The following RNF150 variants were observed in gnomAD, a reference collection of about 807,000 sequenced individuals.
RNF150 encodes the protein ring finger protein 150.
RNF150 carries 24 observed loss-of-function variants against 39.3 expected under a neutral mutation model. That is an observed-to-expected ratio of 0.61 (90% confidence interval 0.44 to 0.86). The LOEUF is 0.86. Among genes scored for constraint, RNF150 ranks in the 40% least tolerant of loss-of-function variants. The probability of loss-of-function intolerance (pLI) is 0.00; values close to 1 mark genes in which losing one functional copy is unlikely to be tolerated. For missense variants in RNF150, 502 were observed against 587.8 expected (o/e 0.85, Z 1.51); for synonymous variants, 255 against 227.3 (o/e 1.12, Z -1.10).
chr4:141,146,978 A>G (rs1727215576), intron 1 of RNF150, among the ~76,000 whole-genome samples: 1 of 152,122 alleles, frequency 6.6e-6, no homozygotes, highest in Admixed American at 6.5e-5. Context: ...GTTTTTGTTT[A>G]TGAGACAGTG....
Position 141,147,046 on chromosome 4 carries a change from C to A in RNF150, c.-6+65748G>T, listed in dbSNP as rs182999032. Among the ~76,000 whole-genome samples the A allele has an allele frequency of 2.8e-3, 424 of 152,254 alleles. 2 individuals are homozygous for A. The highest frequency in any genetic ancestry group is 9.8e-3 in the African/African-American group (408 of 41,554). ...ATGCGATTATGGCCACTGCAACCTC[C>A]CGTGCTCAATCGCTCCTCCCACCTC... On this transcript the variant is annotated intron_variant, in intron 1 of 7. Coordinates refer to the RNF150 transcript ENST00000420921.
chr4:140,960,464 A>T (rs72722382), intron 2 of RNF150, among the ~76,000 whole-genome samples: 54,672 of 152,030 alleles, frequency 0.36, 11,214 homozygotes, highest in Non-Finnish European at 0.46. Context: ...AGTTTATGTT[A>T]ATGAGGTAAC....
intron 1 of RNF150, among the ~76,000 whole-genome samples, chr4:141,050,224 T>G (rs1187673454): frequency 2.6e-5 from 4 of 152,044 alleles, no homozygotes; most frequent in African/African-American, 9.7e-5. Flanking sequence ...TGTGAGATTT[T>G]TATTATTTTT....
At chr4:141,190,293 A>G (rs139530555) in intron 1 of RNF150, among the ~76,000 whole-genome samples, 79 of 152,180 alleles carry the variant, frequency 5.2e-4, no homozygotes, top group African/African-American at 1.8e-3. Flanking sequence ...AGATCCCCCA[A>G]TCAGTCGATT....
At chr4:140,911,566 T>C (rs1730607706) in intron 5 of RNF150, among the ~76,000 whole-genome samples, 1 of 152,220 alleles carries the variant, frequency 6.6e-6, no homozygotes, top group Admixed American at 6.5e-5. Context: ...TCATTTTAGA[T>C]TGAAAAGATT....
intron 1 of RNF150, among the ~76,000 whole-genome samples, chr4:141,206,348 G>A (rs1728373638): frequency 6.7e-6 from 1 of 149,646 alleles, no homozygotes; most frequent in African/African-American, 2.5e-5. Context: ...GAACCTGGGA[G>A]GCAGAGATTA....
intron 1 of RNF150, among the ~76,000 whole-genome samples, chr4:141,001,478 TAAG>T (rs1465316296): frequency 6.6e-6 from 1 of 152,254 alleles, no homozygotes; most frequent in Admixed American, 6.5e-5. Flanking sequence ...TAAAATAAAT[TAAG>T]GATTAAAAAT....
intron 1 of RNF150, among the ~76,000 whole-genome samples, chr4:141,094,113 A>C (rs191003586): frequency 6.6e-6 from 1 of 152,204 alleles, no homozygotes; most frequent in Non-Finnish European, 1.5e-5. Context: ...ATGTAGATGT[A>C]AAAAGAGGTT....
chr4:141,116,881 T>A (rs901766525), intron 1 of RNF150, among the ~76,000 whole-genome samples: 1 of 151,654 alleles, frequency 6.6e-6, no homozygotes, highest in Non-Finnish European at 1.5e-5. Context: ...CTCGGCAAAC[T>A]AACACAGGAA....
intron 5 of RNF150, 48 bp downstream of exon 5, chr4:140,925,929 A>C (rs1731382738): frequency 1.5e-6 from 2 of 1,322,506 alleles, no homozygotes; most frequent in East Asian, 2.3e-5. Context: ...CTTTGAGGGC[A>C]ACGCAGAAAG....
intron 1 of RNF150, among the ~76,000 whole-genome samples, chr4:141,139,752 A>G (rs1172772232): frequency 6.6e-6 from 1 of 152,216 alleles, no homozygotes; most frequent in East Asian, 1.9e-4. Context: ...ACACAAATGA[A>G]GAAACAAAAA....
At chr4:141,044,768 AGC>A (rs1190361085) in intron 1 of RNF150, among the ~76,000 whole-genome samples, 2 of 86,790 alleles carry the variant, frequency 2.3e-5, no homozygotes, top group Non-Finnish European at 5.0e-5. Flanking sequence ...GCGGGTGTGC[AGC>A]GCACACACAC....
At chr4:140,905,390 G>T (rs1461366627) in intron 6 of RNF150, among the ~76,000 whole-genome samples, 1 of 152,044 alleles carries the variant, frequency 6.6e-6, no homozygotes, top group Non-Finnish European at 1.5e-5. Context: ...TACTGAAGAG[G>T]CATGAATAAC....
At chr4:141,186,189 A>C (rs533977709) in intron 1 of RNF150, among the ~76,000 whole-genome samples, 1 of 152,110 alleles carries the variant, frequency 6.6e-6, no homozygotes, top group Non-Finnish European at 1.5e-5. Flanking sequence ...TAGGCTATTT[A>C]TTACTGCCTC....
At chr4:141,207,840 A>C (rs1391901412) in intron 1 of RNF150, among the ~76,000 whole-genome samples, 3 of 152,250 alleles carry the variant, frequency 2.0e-5, no homozygotes, top group Non-Finnish European at 1.5e-5. Context: ...TACTTGGGGT[A>C]GCCTTTTCTC....
chr4:140,909,960 A>G (rs577420489), intron 6 of RNF150, among the ~76,000 whole-genome samples: 1 of 152,328 alleles, frequency 6.6e-6, no homozygotes, highest in South Asian at 2.1e-4. Context: ...TTCAAATCCC[A>G]TGGATCATCT....
Position 140,949,366 on chromosome 4 carries a change from G to A in RNF150, c.742C>T (p.Leu248=). 6.2e-7 allele frequency: 1 copy of A among 1,612,802 alleles called. No homozygotes were observed. Among genetic ancestry groups the A allele is most frequent in the Non-Finnish European group, 8.5e-7 (1 of 1,179,290 alleles). ...ATGGCTTTCTTTGCTGCATCCCCCAGTCGGCGCTGAAAAGCCAAAACGTGC... is the reference window on the plus strand; with the variant it reads ...ATGGCTTTCTTTGCTGCATCCCCCAATCGGCGCTGAAAAGCCAAAACGTGC... ...ANARDRNQRR[L]GDAAKKAISK... The change falls in exon 3 of 7, where the codon CTG becomes TTG. Residue 248 remains leucine, a synonymous_variant. Coordinates refer to ENST00000515673, the MANE Select transcript of RNF150 (RefSeq NM_020724.2).
intron 1 of RNF150, among the ~76,000 whole-genome samples, chr4:141,090,740 T>G (rs143194436): frequency 6.6e-6 from 1 of 152,168 alleles, no homozygotes; most frequent in Non-Finnish European, 1.5e-5. Context: ...GCCCTATCTT[T>G]AGACGGAGCA....
chr4:140,962,456 T>C (rs907016825), intron 2 of RNF150, among the ~76,000 whole-genome samples: 2 of 151,110 alleles, frequency 1.3e-5, no homozygotes, highest in African/African-American at 4.9e-5. Context: ...TATACGTATA[T>C]GATATATATG....
Sources: allele counts gnomAD v4.1 joint callset (sites outside exome capture counted in the v4.1 genomes callset), GRCh38; gene constraint gnomAD v4.1.1; transcripts MANE v1.5; gene names NCBI Gene and HGNC (gene_info 2026-07-23, HGNC 2026-07-21).